Variants in CCDC148 observed in about 807,000 individuals in gnomAD.
The protein encoded by CCDC148 is coiled-coil domain containing 148.
CCDC148 carries 89 observed loss-of-function variants against 85.7 expected under a neutral mutation model. The observed-to-expected ratio is 1.04, with a 90% CI of 0.87 to 1.24. The LOEUF is 1.24. Among genes scored for constraint, CCDC148 ranks in the 50% most tolerant of loss-of-function variants. CCDC148 has a pLI of 0.00. For synonymous variants in CCDC148, 230 were observed against 213.9 expected (o/e 1.08, Z -0.66); for missense variants, 692 against 671.7 (o/e 1.03, Z -0.33).
intron 10 of CCDC148, among the ~76,000 whole-genome samples, chr2:158,232,404 CT>C (rs1270484298): frequency 6.6e-6 from 1 of 151,666 alleles, no homozygotes; most frequent in African/African-American, 2.4e-5. Flanking sequence ...AGATTTTTTC[CT>C]ATTAAAAACT....
intron 1 of CCDC148, among the ~76,000 whole-genome samples, chr2:158,383,093 A>T (rs1399890982): frequency 6.6e-6 from 1 of 152,050 alleles, no homozygotes; most frequent in African/African-American, 2.4e-5. Context: ...TGAGGTCAGG[A>T]GTTCAAGACC....
intron 9 of CCDC148, among the ~76,000 whole-genome samples, chr2:158,257,965 A>G (rs1689076649): frequency 6.6e-6 from 1 of 151,912 alleles, no homozygotes; most frequent in Admixed American, 6.6e-5. Flanking sequence ...GACTAAGGGT[A>G]AGAAATTCAC....
intron 9 of CCDC148, among the ~76,000 whole-genome samples, chr2:158,272,654 T>G (rs1034448988): frequency 6.6e-6 from 1 of 152,194 alleles, no homozygotes; most frequent in Non-Finnish European, 1.5e-5. Flanking sequence ...AGTAGCTTAT[T>G]GCAGAGGATG....
rs148385887 is a variant in CCDC148, at chr2:158,320,678, C to T, written c.765-6784G>A. ...AAATGTCAGTTGTCCTAGACACAAA[C>T]CCATCAAGCTGCTGTTTCCATTTTC... On this transcript the variant is annotated intron_variant, in intron 7 of 13. Transcript: ENST00000283233. 7.9e-4 allele frequency among the ~76,000 whole-genome samples: 120 copies of T among 152,254 alleles called. 1 individual carries two copies. Among genetic ancestry groups the T allele is most frequent in the African/African-American group, 2.7e-3 (112 of 41,566 alleles).
At chr2:158,195,037 C>G (rs1685601025) in intron 11 of CCDC148, among the ~76,000 whole-genome samples, 1 of 151,894 alleles carries the variant, frequency 6.6e-6, no homozygotes, top group African/African-American at 2.4e-5. Flanking sequence ...TCACTCCATG[C>G]TGGTCCTGGG....
intron 11 of CCDC148, among the ~76,000 whole-genome samples, chr2:158,210,066 C>T (rs1686477751): frequency 6.6e-6 from 1 of 152,086 alleles, no homozygotes; most frequent in African/African-American, 2.4e-5. Flanking sequence ...TCAAGAGACC[C>T]ATCTCACGTG....
chr2:158,288,779 T>C lies in CCDC148; in HGVS notation c.1110+20654A>G, dbSNP rs1286161654. On this transcript the variant is annotated intron_variant, in intron 9 of 13. Transcript: ENST00000283233. ...TCTTTTCAGCAACACTTCACTCTAC[T>C]GGTACCAATTTACTGTATTAGTCCA... is the stretch of plus-strand genomic sequence containing the variant. 5 of 405,122 alleles carry C rather than the reference T, an allele frequency of 1.2e-5. No individual in the cohort carries two copies. In the East Asian group the frequency reaches 4.7e-4, roughly 38 times the overall value. The allele number at this position is 405,122 out of a possible 1,614,324, so 25.1% of individuals were successfully genotyped here.
intron 1 of CCDC148, chr2:158,447,482 G>A (rs1217366669): frequency 6.6e-6 from 1 of 152,186 alleles, no homozygotes; most frequent in Non-Finnish European, 1.5e-5. Context: ...TTTTCAATAA[G>A]TTGCTAAATG....
chr2:158,244,654 C>T (rs566031124), intron 10 of CCDC148, among the ~76,000 whole-genome samples: 4 of 152,196 alleles, frequency 2.6e-5, no homozygotes, highest in East Asian at 1.9e-4. Context: ...CCCCAGTCTG[C>T]TATCACTCTG....
At chr2:158,274,864 G>A (rs1387824873) in intron 9 of CCDC148, among the ~76,000 whole-genome samples, 2 of 152,224 alleles carry the variant, frequency 1.3e-5, no homozygotes, top group African/African-American at 4.8e-5. Context: ...AAGTGAGTCT[G>A]ACAGGTGGCT....
chr2:158,202,695 TTA>T (rs1489647982), intron 11 of CCDC148, among the ~76,000 whole-genome samples: 26 of 152,220 alleles, frequency 1.7e-4, no homozygotes, highest in African/African-American at 6.3e-4. Context: ...AAAACTTTAC[TTA>T]TGGACACAGA....
At chr2:158,306,863 A>G (rs1464951064) in intron 9 of CCDC148, among the ~76,000 whole-genome samples, 1 of 151,482 alleles carries the variant, frequency 6.6e-6, no homozygotes, top group African/African-American at 2.4e-5. Flanking sequence ...AAAAAATTAC[A>G]AAAAAATCAG....
intron 9 of CCDC148, among the ~76,000 whole-genome samples, chr2:158,277,475 T>C (rs1208824803): frequency 6.6e-6 from 1 of 152,228 alleles, no homozygotes; most frequent in Non-Finnish European, 1.5e-5. Context: ...GACTCACAAA[T>C]AGGGGAAATA....
intron 9 of CCDC148, among the ~76,000 whole-genome samples, chr2:158,271,924 C>T (rs1047472476): frequency 6.6e-5 from 10 of 152,168 alleles, no homozygotes; most frequent in Non-Finnish European, 2.9e-5. Flanking sequence ...CTTCCTGTTT[C>T]TCTATTTCCC....
At chr2:158,409,888 T>C (rs1351029082) in intron 1 of CCDC148, among the ~76,000 whole-genome samples, 1 of 152,188 alleles carries the variant, frequency 6.6e-6, no homozygotes, top group East Asian at 1.9e-4. Context: ...CAACATACTG[T>C]TCTTGTGGTA....
intron 2 of CCDC148, among the ~76,000 whole-genome samples, chr2:158,353,217 C>A (rs929647448): frequency 1.1e-5 from 1 of 90,776 alleles, no homozygotes; most frequent in Non-Finnish European, 2.2e-5. Flanking sequence ...ATCAAATTCA[C>A]ACATAACAAT....
intron 7 of CCDC148, among the ~76,000 whole-genome samples, chr2:158,324,776 T>G (rs1692687287): frequency 6.6e-6 from 1 of 152,180 alleles, no homozygotes. Context: ...TTCATTGCTT[T>G]GATGAGTAGA....
At chr2:158,199,717 A>T (rs1558975801) in intron 11 of CCDC148, among the ~76,000 whole-genome samples, 1 of 152,206 alleles carries the variant, frequency 6.6e-6, no homozygotes, top group African/African-American at 2.4e-5. Context: ...TGAATAATGA[A>T]GGTCACTTTA....
chr2:158,394,444 A>G (rs965080940), intron 1 of CCDC148, among the ~76,000 whole-genome samples: 1 of 152,122 alleles, frequency 6.6e-6, no homozygotes, highest in African/African-American at 2.4e-5. Flanking sequence ...TCAGGTTACA[A>G]GAAGGCATGA....
Sources: gnomAD v4.1 joint callset for allele counts (sites outside exome capture counted in the v4.1 genomes callset) on GRCh38, gnomAD v4.1.1 for gene constraint, MANE v1.5 for transcripts, NCBI Gene and HGNC (gene_info 2026-07-23, HGNC 2026-07-21) for gene names.